Variants in CSPP1 observed in about 807,000 individuals in gnomAD.
CSPP1 encodes centrosome and spindle pole-associated protein 1.
In CSPP1, 126 loss-of-function variants were observed where a neutral mutation model predicts 164.4. The ratio of observed to expected loss-of-function variants is 0.77; its 90% CI spans 0.66 to 0.89. CSPP1 has a LOEUF of 0.89. Ranked by LOEUF, CSPP1 falls within the 40% of genes least tolerant of loss-of-function variation. CSPP1 has a pLI of 0.00. For synonymous variants in CSPP1, 472 were observed against 476.7 expected, an observed-to-expected ratio of 0.99 and a Z score of 0.13; for missense variants, 1,395 against 1,449.8, an observed-to-expected ratio of 0.96 and a Z score of 0.61.
chr8:67,187,895 C>T (rs965899513), intron 28 of CSPP1, among the ~76,000 whole-genome samples: 7 of 152,180 alleles, frequency 4.6e-5, no homozygotes, highest in African/African-American at 1.7e-4. Context: ...GTCGATCTTA[C>T]ATCTAAATGT....
chr8:67,141,617 G>C (rs1823516842), intron 17 of CSPP1, among the ~76,000 whole-genome samples: 1 of 152,174 alleles, frequency 6.6e-6, no homozygotes, highest in Non-Finnish European at 1.5e-5. Flanking sequence ...TGCCTCCCGG[G>C]TTCAAGCAGT....
chr8:67,079,415 T>A (rs188441881), intron 3 of CSPP1, among the ~76,000 whole-genome samples: 2 of 152,346 alleles, frequency 1.3e-5, no homozygotes, highest in East Asian at 3.9e-4. Context: ...CTGTCTCCTA[T>A]ATCAAGCAGT....
At chr8:67,189,771 T>A (rs1185983120) in intron 28 of CSPP1, among the ~76,000 whole-genome samples, 1 of 152,110 alleles carries the variant, frequency 6.6e-6, no homozygotes, top group Non-Finnish European at 1.5e-5. Flanking sequence ...TCCCCCCAAA[T>A]ATATATAGAA....
chr8:67,165,309 G>T (rs1365968158), intron 24 of CSPP1, among the ~76,000 whole-genome samples: 2 of 152,148 alleles, frequency 1.3e-5, no homozygotes, highest in African/African-American at 4.8e-5. Context: ...AAACAATACA[G>T]AGAGTTTCTG....
chr8:67,107,353 A>G (rs1563573243), intron 9 of CSPP1, among the ~76,000 whole-genome samples: 1 of 152,312 alleles, frequency 6.6e-6, no homozygotes, highest in African/African-American at 2.4e-5. Context: ...CGGCCGATGT[A>G]GTTTATAAAA....
At chr8:67,078,222 C>T (rs1200910623) in intron 3 of CSPP1, among the ~76,000 whole-genome samples, 3 of 152,170 alleles carry the variant, frequency 2.0e-5, no homozygotes, top group Admixed American at 2.0e-4. Context: ...TCAGGAGCTA[C>T]ACTTTGTTTC....
At chr8:67,176,781 G>A (rs969699699) in intron 26 of CSPP1, among the ~76,000 whole-genome samples, 2 of 152,036 alleles carry the variant, frequency 1.3e-5, no homozygotes, top group African/African-American at 4.8e-5. Flanking sequence ...ATAGGAATAT[G>A]ACCTCACTGG....
chr8:67,134,853 G>C (rs180875149), intron 16 of CSPP1: 2 of 152,084 alleles, frequency 1.3e-5, no homozygotes, highest in Non-Finnish European at 2.9e-5. Flanking sequence ...GTGAGCCACC[G>C]TGCCCGGCTG....
At chr8:67,118,001 A>G (rs909208481) in intron 13 of CSPP1, among the ~76,000 whole-genome samples, 15 of 152,142 alleles carry the variant, frequency 9.9e-5, no homozygotes, top group African/African-American at 3.6e-4. Context: ...TGCCTATTGG[A>G]TATTAATTGA....
intron 9 of CSPP1, among the ~76,000 whole-genome samples, chr8:67,110,168 G>A (rs1482936270): frequency 8.9e-5 from 13 of 146,124 alleles, no homozygotes; most frequent in Non-Finnish European, 2.0e-4. Flanking sequence ...GCAGTCTGAG[G>A]TTTTTTTTTT....
At position 67,154,016 on chromosome 8, in the gene CSPP1, C is replaced by T; in HGVS notation, c.2129-8C>T. 6.8e-7 allele frequency: 1 copy of T among 1,467,668 alleles called. No homozygotes were observed. Among genetic ancestry groups the T allele is most frequent in the Non-Finnish European group, 9.5e-7 (1 of 1,052,298 alleles). The allele number at this position is 1,467,668 out of a possible 1,614,324, so 90.9% of individuals were successfully genotyped here. On this transcript the variant is annotated splice_polypyrimidine_tract_variant and splice_region_variant and intron_variant, in intron 18 of 30. Coordinates refer to ENST00000678616, the MANE Select transcript of CSPP1 (RefSeq NM_001382391.1). ...AATAGTATGTTTTTGCAAAATATTT[C>T]TTTCAAGGTCATATGCAAACACAGA...
chr8:67,131,149 C>T (rs1441792241), intron 15 of CSPP1, among the ~76,000 whole-genome samples: 1 of 152,118 alleles, frequency 6.6e-6, no homozygotes, highest in East Asian at 1.9e-4. Context: ...AATCCCAGCA[C>T]TTTGGGAGGC....
At chr8:67,091,046 C>A (rs1430936685) in intron 4 of CSPP1, among the ~76,000 whole-genome samples, 1 of 151,330 alleles carries the variant, frequency 6.6e-6, no homozygotes, top group Non-Finnish European at 1.5e-5. Flanking sequence ...TTTTCCAGTT[C>A]TTTGTATTTG....
At chr8:67,110,461 C>G (rs1242288671) in intron 9 of CSPP1, among the ~76,000 whole-genome samples, 1 of 151,808 alleles carries the variant, frequency 6.6e-6, no homozygotes, top group Non-Finnish European at 1.5e-5. Context: ...TGTTTCAGGT[C>G]TGAGAATTGT....
intron 10 of CSPP1, 80 bp from the exon 11 acceptor site, chr8:67,113,725 A>G: frequency 1.4e-6 from 1 of 722,882 alleles, no homozygotes; most frequent in African/African-American, 1.8e-5. Flanking sequence ...GACTTTGTGT[A>G]TAAGCTTCTT....
In CSPP1 at chr8:67,158,539, A is replaced by G; in HGVS notation, c.2334A>G (p.Ala778=). 1 of 1,612,426 alleles carries G rather than the reference A, an allele frequency of 6.2e-7. No individual in the cohort carries two copies. Among genetic ancestry groups the G allele is most frequent in the Non-Finnish European group, 8.5e-7 (1 of 1,178,862 alleles). Residue 778 remains alanine (A), a synonymous_variant, in exon 20 of 31, where the codon GCA becomes GCG. Coordinates refer to ENST00000678616, the MANE Select transcript of CSPP1 (RefSeq NM_001382391.1). The part of the protein sequence containing the change: ...KEERRLAEQR[A]RIQQEYEEEQ... Reference sequence around the variant, plus strand: ...AAAGACGGCTTGCAGAACAGAGGGCACGAATTCAGCAGGAGTATGAAGAGG... The same window carrying G: ...AAAGACGGCTTGCAGAACAGAGGGCGCGAATTCAGCAGGAGTATGAAGAGG...
At chr8:67,072,386 TAAA>T (rs961136928) in intron 1 of CSPP1, among the ~76,000 whole-genome samples, 5 of 152,124 alleles carry the variant, frequency 3.3e-5, no homozygotes, top group African/African-American at 1.2e-4. Flanking sequence ...CTTTCACTGT[TAAA>T]AATATATCAA....
At chr8:67,171,668 C>T (rs1830489900) in intron 24 of CSPP1, among the ~76,000 whole-genome samples, 1 of 151,958 alleles carries the variant, frequency 6.6e-6, no homozygotes, top group Non-Finnish European at 1.5e-5. Context: ...ATGCCTCAGC[C>T]TCCCGAGTAG....
intron 17 of CSPP1, 141 bp from the exon 18 acceptor site, chr8:67,149,642 A>C (rs1825306740): frequency 1.9e-6 from 1 of 514,902 alleles, no homozygotes; most frequent in African/African-American, 2.0e-5. Context: ...TTCTCTTTTC[A>C]GGGCACCAAC....
Sources: gnomAD v4.1 joint callset for allele counts (sites outside exome capture counted in the v4.1 genomes callset) on GRCh38, gnomAD v4.1.1 for gene constraint, MANE v1.5 for transcripts, NCBI Gene and HGNC (gene_info 2026-07-23, HGNC 2026-07-21) for gene names.